Variants in XKR9 observed in about 807,000 individuals in gnomAD.
XKR9 encodes XK related 9.
Under a neutral mutation model 32.0 loss-of-function variants are expected in XKR9, and 32 were observed. The ratio of observed to expected loss-of-function variants is 1.00; its 90% CI spans 0.76 to 1.34. The LOEUF is 1.34. Ranked by LOEUF, XKR9 falls within the 40% of genes most tolerant of loss-of-function variation. The pLI is 0.00. For missense variants in XKR9, 546 were observed against 429.7 expected, an observed-to-expected ratio of 1.27 and a Z score of -2.39; for synonymous variants, 168 against 143.4, an observed-to-expected ratio of 1.17 and a Z score of -1.22.
At chr8:70,870,968 T>C in the XKR9 span, among the ~76,000 whole-genome samples, 1 of 152,200 alleles carries the variant, frequency 6.6e-6, no homozygotes, top group Non-Finnish European at 1.5e-5. Flanking sequence ...TGTGGTACTT[T>C]CTTCAACCAC....
At chr8:70,794,737 T>C (rs961045708), downstream of XKR9, among the ~76,000 whole-genome samples, 2 of 151,838 alleles carry the variant, frequency 1.3e-5, no homozygotes, top group African/African-American at 4.8e-5. Flanking sequence ...GTCTACTCCT[T>C]TTTATTTTGT....
the XKR9 span, among the ~76,000 whole-genome samples, chr8:70,910,987 TC>T: frequency 6.6e-6 from 1 of 152,230 alleles, no homozygotes; most frequent in Admixed American, 6.5e-5. Flanking sequence ...GACCTTCTCT[TC>T]TGTTGCTTCT....
intron 2 of XKR9, among the ~76,000 whole-genome samples, chr8:70,785,075 A>C (rs1807664912): frequency 6.6e-6 from 1 of 151,948 alleles, no homozygotes; most frequent in South Asian, 2.1e-4. Flanking sequence ...GAAGACTTTG[A>C]GAAGGGTTGG....
intron 3 of XKR9, among the ~76,000 whole-genome samples, chr8:70,688,618 A>G (rs268635): frequency 0.33 from 49,552 of 151,492 alleles, 8,607 homozygotes; most frequent in East Asian, 0.66. Context: ...GGGTTTCACC[A>G]TGTTAGCCAG....
At chr8:70,893,730 A>C in the XKR9 span, among the ~76,000 whole-genome samples, 1 of 152,030 alleles carries the variant, frequency 6.6e-6, no homozygotes, top group Non-Finnish European at 1.5e-5. Flanking sequence ...GGGTTCTTCT[A>C]TTCTTATTTT....
At chr8:70,928,003 A>G in the XKR9 span, among the ~76,000 whole-genome samples, 3 of 152,074 alleles carry the variant, frequency 2.0e-5, no homozygotes, top group East Asian at 1.9e-4. Context: ...TCTAATTTCT[A>G]TATTTTGCTT....
chr8:71,038,841 G>A, the XKR9 span, among the ~76,000 whole-genome samples: 5 of 121,190 alleles, frequency 4.1e-5, no homozygotes, highest in South Asian at 1.3e-3. Context: ...GTCTTGTACT[G>A]CCACCCAGGC....
At chr8:70,901,140 G>A in the XKR9 span, among the ~76,000 whole-genome samples, 17 of 152,154 alleles carry the variant, frequency 1.1e-4, no homozygotes, top group African/African-American at 3.6e-4. Context: ...TGTCTTTATA[G>A]CAGCATGATT....
At chr8:71,012,044 A>C in the XKR9 span, among the ~76,000 whole-genome samples, 4 of 151,092 alleles carry the variant, frequency 2.6e-5, no homozygotes, top group South Asian at 4.2e-4. Flanking sequence ...GGAAAAAAAA[A>C]CCCTCTTCAC....
the XKR9 span, among the ~76,000 whole-genome samples, chr8:71,000,845 A>G: frequency 6.6e-6 from 1 of 152,240 alleles, no homozygotes; most frequent in African/African-American, 2.4e-5. Context: ...TTGGTCCAGC[A>G]TCTCTTCCAA....
the XKR9 span, among the ~76,000 whole-genome samples, chr8:70,972,771 A>G: frequency 7.9e-5 from 12 of 152,020 alleles, no homozygotes; most frequent in East Asian, 3.9e-4. Context: ...ACATTTATTG[A>G]CTTATGAGTG....
At chr8:70,696,163 C>T (rs902972303) in intron 3 of XKR9, among the ~76,000 whole-genome samples, 5 of 151,834 alleles carry the variant, frequency 3.3e-5, no homozygotes, top group African/African-American at 1.2e-4. Context: ...GTTTCTTTTG[C>T]TGTGCAGAAG....
chr8:70,728,594 A>G (rs1806555720), intron 4 of XKR9, among the ~76,000 whole-genome samples: 1 of 152,242 alleles, frequency 6.6e-6, no homozygotes, highest in African/African-American at 2.4e-5. Flanking sequence ...TGTAGCCCAC[A>G]AAGAATTTAG....
At chr8:70,778,878 G>A (rs1287503144) in intron 2 of XKR9, among the ~76,000 whole-genome samples, 1 of 152,012 alleles carries the variant, frequency 6.6e-6, no homozygotes, top group Non-Finnish European at 1.5e-5. Context: ...TAAATATACA[G>A]TTATGTCATC....
the XKR9 span, among the ~76,000 whole-genome samples, chr8:70,806,673 T>G: frequency 2.0e-5 from 3 of 151,958 alleles, no homozygotes; most frequent in African/African-American, 7.3e-5. Flanking sequence ...TATCAGAGTT[T>G]GAAGACCACC....
the XKR9 span, among the ~76,000 whole-genome samples, chr8:71,004,378 A>G: frequency 6.6e-6 from 1 of 152,196 alleles, no homozygotes; most frequent in Non-Finnish European, 1.5e-5. Flanking sequence ...CACAGAGGAC[A>G]CACAGGTCAT....
intron 2 of XKR9, among the ~76,000 whole-genome samples, chr8:70,758,975 A>G (rs1807268029): frequency 1.3e-5 from 2 of 152,170 alleles, no homozygotes; most frequent in South Asian, 4.1e-4. Context: ...AGGTCTACCT[A>G]TTGTTCTGAC....
At chr8:70,936,644 T>A in the XKR9 span, among the ~76,000 whole-genome samples, 3 of 152,154 alleles carry the variant, frequency 2.0e-5, no homozygotes, top group South Asian at 6.2e-4. Context: ...ACTATTCCTG[T>A]GTCTGTCCCG....
At chr8:70,947,512 T>C in the XKR9 span, among the ~76,000 whole-genome samples, 13 of 152,190 alleles carry the variant, frequency 8.5e-5, no homozygotes, top group African/African-American at 3.1e-4. Context: ...TGCTAAGTAA[T>C]TGCAAAAAGG....
Sources: allele counts gnomAD v4.1 joint callset (sites outside exome capture counted in the v4.1 genomes callset), GRCh38; gene constraint gnomAD v4.1.1; transcripts MANE v1.5; gene names NCBI Gene and HGNC (gene_info 2026-07-23, HGNC 2026-07-21).